The following HEATR5B variants were observed in gnomAD, a reference collection of about 807,000 sequenced individuals.
HEATR5B encodes HEAT repeat containing 5B.
In HEATR5B, 156 loss-of-function variants were observed where a neutral mutation model predicts 224.1. The observed-to-expected ratio is 0.70, with a 90% CI of 0.61 to 0.80. The LOEUF is 0.80. HEATR5B is among the 30% of genes least tolerant of loss of function. HEATR5B has a pLI of 0.00. For missense variants in HEATR5B, 2,323 were observed against 2,535.5 expected, an observed-to-expected ratio of 0.92 and a Z score of 1.80; for synonymous variants, 1,027 against 893.0, an observed-to-expected ratio of 1.15 and a Z score of -2.68.
chr2:37,043,272 G>C (rs67727986), intron 18 of HEATR5B, among the ~76,000 whole-genome samples: 2,088 of 152,294 alleles, frequency 0.014, 13 homozygotes, highest in Non-Finnish European at 0.022. Context: ...CTGACACAAA[G>C]CACAATCAAA....
Position 37,072,274 on chromosome 2 carries a change from A to G in HEATR5B, c.605T>C (p.Leu202Pro). 1.2e-6 allele frequency: 2 copies of G among 1,603,530 alleles called. No homozygotes were observed. Among genetic ancestry groups the G allele is most frequent in the Non-Finnish European group, 1.7e-6 (2 of 1,173,492 alleles). The change falls in exon 6 of 36, where the codon CTA becomes CCA. Residue 202 changes from leucine (L) to proline (P), a missense_variant. This residue lies in a region of HEATR5B where 292 missense variants were observed against 332.6 expected (regional missense o/e 0.88). Coordinates refer to ENST00000233099, the MANE Select transcript of HEATR5B (RefSeq NM_019024.3). ...AVRCAVAKCLLELQNEAVFMW... is the reference protein window; with the variant it reads ...AVRCAVAKCLPELQNEAVFMW... ...AAATACAGCTTCATTCTGTAGTTCT[A>G]GTAGACACTGGAATTAAAAACAAAA...
rs535947408 is a variant in HEATR5B at position 37,054,153 on chromosome 2, A to T, written c.2400-546T>A. Among the ~76,000 whole-genome samples, 625 of 144,290 alleles carry T rather than the reference A, an allele frequency of 4.3e-3. 6 individuals carry two copies. The highest frequency in any genetic ancestry group is 0.04 in the Middle Eastern group (11 of 274). 94.7% of individuals were successfully genotyped at this position (144,290 alleles called of 152,430 possible). ...ATTAATAAAAAAGAATCAGTTTATT[A>T]AAAAAAAAAAATCCATGGCCATCTT... On this transcript the variant is annotated intron_variant, in intron 16 of 35. Coordinates refer to ENST00000233099, the MANE Select transcript of HEATR5B (RefSeq NM_019024.3).
chr2:37,021,885 T>G (rs1202018359), intron 24 of HEATR5B, among the ~76,000 whole-genome samples: 2 of 91,884 alleles, frequency 2.2e-5, no homozygotes, highest in African/African-American at 1.2e-4. Context: ...AGACCCTGTT[T>G]CAAAAAAAAA....
intron 23 of HEATR5B, 118 bp from the exon 24 acceptor site, chr2:37,028,292 A>C (rs757268921): frequency 1.7e-6 from 1 of 586,412 alleles, no homozygotes; most frequent in Non-Finnish European, 2.7e-6. Flanking sequence ...TACTTGCTGG[A>C]AAACAGTAAA....
chr2:37,077,991 T>G (rs1431277775), intron 3 of HEATR5B, among the ~76,000 whole-genome samples: 1 of 152,182 alleles, frequency 6.6e-6, no homozygotes, highest in Non-Finnish European at 1.5e-5. Context: ...CAATAGTAAG[T>G]GAATAGCTGT....
chr2:37,067,606 T>C (rs1231330394), intron 8 of HEATR5B, among the ~76,000 whole-genome samples: 1 of 152,082 alleles, frequency 6.6e-6, no homozygotes, highest in African/African-American at 2.4e-5. Flanking sequence ...CTGTTTCTAC[T>C]AAAAATACAA....
In HEATR5B at chr2:37,000,663, G is replaced by A; in HGVS notation, c.5468C>T (p.Thr1823Ile). ...KSIVTLSMAKTEAGVQKQWTA... is the reference protein window; with the variant it reads ...KSIVTLSMAKIEAGVQKQWTA... ...CCACTGTTTTTGAACGCCAGCCTCA[G>A]TTTTGGCCATTGAAAGTGTCACAAT... is the stretch of plus-strand genomic sequence containing the variant. Residue 1823 changes from threonine to isoleucine, a missense_variant, in exon 33 of 36, where the codon ACT (threonine) becomes ATT (isoleucine). Around this residue, in one of 12 missense-constraint regions of HEATR5B, gnomAD observed 844 missense variants for 812.9 expected, o/e 1.04. Transcript: ENST00000233099. 4 of 1,614,214 alleles carry A rather than the reference G, an allele frequency of 2.5e-6. No homozygotes were observed. The highest frequency in any genetic ancestry group is 3.4e-6 in the Non-Finnish European group (4 of 1,180,036).
intron 6 of HEATR5B, 65 bp downstream of exon 6, chr2:37,072,045 G>A (rs771853434): frequency 5.4e-6 from 7 of 1,288,372 alleles, no homozygotes; most frequent in Non-Finnish European, 7.5e-6. Context: ...CCATTACACT[G>A]ACTTGCCTAT....
intron 33 of HEATR5B, among the ~76,000 whole-genome samples, chr2:36,993,615 G>T (rs1666490364): frequency 6.6e-6 from 1 of 151,864 alleles, no homozygotes; most frequent in South Asian, 2.1e-4. Flanking sequence ...TTCCCCACAG[G>T]TTACCTATTA....
At chr2:37,061,131 T>G (rs1196996287) in intron 11 of HEATR5B, among the ~76,000 whole-genome samples, 1 of 152,084 alleles carries the variant, frequency 6.6e-6, no homozygotes, top group Non-Finnish European at 1.5e-5. Flanking sequence ...TAAACAAATA[T>G]ACCCACTCAC....
chr2:37,081,030 C>T (rs1048635117), intron 2 of HEATR5B, among the ~76,000 whole-genome samples: 2 of 152,082 alleles, frequency 1.3e-5, no homozygotes, highest in South Asian at 2.1e-4. Context: ...AAATTAAAGA[C>T]GTTTTAAGTG....
chr2:37,035,241 CT>C (rs1032990397), intron 21 of HEATR5B, among the ~76,000 whole-genome samples: 3 of 152,270 alleles, frequency 2.0e-5, no homozygotes, highest in African/African-American at 7.2e-5. Context: ...TGTACTTTTC[CT>C]TTTCATTTTA....
intron 10 of HEATR5B, among the ~76,000 whole-genome samples, chr2:37,064,539 G>T (rs375278014): frequency 1.3e-5 from 2 of 151,710 alleles, no homozygotes; most frequent in African/African-American, 4.8e-5. Context: ...ACTAGACTTG[G>T]ACAAAATCTA....
chr2:37,075,106 TTA>T (rs1672146139), intron 5 of HEATR5B, among the ~76,000 whole-genome samples: 1 of 152,222 alleles, frequency 6.6e-6, no homozygotes, highest in African/African-American at 2.4e-5. Flanking sequence ...GTGCAAAAAC[TTA>T]TATACAGATG....
In HEATR5B at chr2:37,069,292, C is replaced by T. The variant is rs533070890; in HGVS notation, c.928-362G>A. 6.6e-5 allele frequency among the ~76,000 whole-genome samples: 10 copies of T among 152,172 alleles called. No homozygotes were observed. The South Asian group carries it at 8.3e-4, about 13-fold the overall frequency. ...CTTAGAGCTATAAAACCCTTACGTACGACTTTTTCTGTAAGTTAAAAAATT... is the reference window on the plus strand; with the variant it reads ...CTTAGAGCTATAAAACCCTTACGTATGACTTTTTCTGTAAGTTAAAAAATT... On this transcript the variant is annotated intron_variant, in intron 7 of 35. Coordinates refer to ENST00000233099, the MANE Select transcript of HEATR5B (RefSeq NM_019024.3).
chr2:36,981,132 T>C lies in HEATR5B; in HGVS notation c.*358A>G, dbSNP rs1665554177. On this transcript the variant is annotated 3_prime_UTR_variant, in exon 36 of 36. Transcript: ENST00000233099. The stretch of plus-strand genomic sequence containing the variant: ...TTCAATTGATTTTTTTCATGACAGA[T>C]GCTGAGTTCTGACCCATTTTTTTCC... The C allele has an allele frequency of 1.2e-5, 2 of 171,416 alleles. No individual in the cohort carries two copies. The highest frequency in any genetic ancestry group is 1.3e-4 in the Admixed American group (2 of 15,900). 10.6% of individuals were successfully genotyped at this position (171,416 alleles called of 1,614,324 possible).
intron 35 of HEATR5B, among the ~76,000 whole-genome samples, chr2:36,984,215 A>ATATATATAT (rs1553411492): frequency 1.5e-4 from 12 of 77,640 alleles, no homozygotes; most frequent in African/African-American, 7.0e-4. Flanking sequence ...AAAAAAAAAA[A>ATATATATAT]ATATATATAT....
At chr2:37,077,510 GT>G (rs779701941) in intron 3 of HEATR5B, among the ~76,000 whole-genome samples, 15 of 152,282 alleles carry the variant, frequency 9.9e-5, no homozygotes, top group Non-Finnish European at 1.9e-4. Context: ...GTTTCACCAC[GT>G]TAGCCAGGCT....
chr2:37,073,533 C>G (rs1463848922), intron 5 of HEATR5B, among the ~76,000 whole-genome samples: 1 of 152,034 alleles, frequency 6.6e-6, no homozygotes, highest in Non-Finnish European at 1.5e-5. Flanking sequence ...CATGAGCAAC[C>G]ACGCCCAGCC....
Sources: allele counts gnomAD v4.1 joint callset (sites outside exome capture counted in the v4.1 genomes callset), GRCh38; gene constraint gnomAD v4.1.1; regional missense constraint gnomAD v4.1.1; transcripts MANE v1.5; gene names NCBI Gene and HGNC (gene_info 2026-07-23, HGNC 2026-07-21).